Variants in PLPPR4 observed in about 807,000 individuals in gnomAD.
The protein encoded by PLPPR4 is phospholipid phosphatase-related protein type 4.
Under a neutral mutation model 56.6 loss-of-function variants are expected in PLPPR4, and 24 were observed. The ratio of observed to expected loss-of-function variants is 0.42; its 90% confidence interval spans 0.31 to 0.60. PLPPR4 has a LOEUF of 0.60. Among genes scored for constraint, PLPPR4 ranks in the 20% least tolerant of loss-of-function variants. The probability of loss-of-function intolerance (pLI) is 0.13; values close to 1 mark genes in which losing one functional copy is unlikely to be tolerated. For missense variants in PLPPR4, 654 were observed against 885.8 expected, an observed-to-expected ratio of 0.74 and a Z score of 3.32; for synonymous variants, 326 against 328.1, an observed-to-expected ratio of 0.99 and a Z score of 0.07.
At chr1:99,275,618 C>G (rs148595583) in intron 1 of PLPPR4, among the ~76,000 whole-genome samples, 112 of 152,206 alleles carry the variant, frequency 7.4e-4, no homozygotes, top group African/African-American at 2.6e-3. Flanking sequence ...TGGCCTTGGC[C>G]ACATTATTCT....
chr1:99,292,929 C>A (rs1236272995), intron 2 of PLPPR4, among the ~76,000 whole-genome samples: 3 of 152,180 alleles, frequency 2.0e-5, no homozygotes, highest in African/African-American at 2.4e-5. Flanking sequence ...CTTTCCCTCT[C>A]TCTTCCTGAA....
intron 3 of PLPPR4, 87 bp downstream of exon 3, chr1:99,296,954 G>A (rs753158230): frequency 1.3e-5 from 16 of 1,216,334 alleles, no homozygotes; most frequent in Non-Finnish European, 1.6e-5. Flanking sequence ...AGTCTCGTAC[G>A]CTATAATTTA....
At chr1:99,296,608 C>A in intron 2 of PLPPR4, 130 bp from the exon 3 acceptor site, 2 of 762,418 alleles carry the variant, frequency 2.6e-6, no homozygotes, top group Non-Finnish European at 3.8e-6. Context: ...GCCTCTACAG[C>A]TTTTAAGAAA....
chr1:99,290,786 A>G (rs574291744), intron 2 of PLPPR4, among the ~76,000 whole-genome samples: 5 of 152,144 alleles, frequency 3.3e-5, no homozygotes, highest in Non-Finnish European at 7.3e-5. Flanking sequence ...ATATACAAAA[A>G]TCAACTCAAG....
At chr1:99,289,625 A>C (rs1659564702) in intron 2 of PLPPR4, among the ~76,000 whole-genome samples, 2 of 152,180 alleles carry the variant, frequency 1.3e-5, no homozygotes, top group South Asian at 2.1e-4. Flanking sequence ...TATTTACTGA[A>C]GTTTTAACAA....
At chr1:99,273,713 A>G (rs1390707061) in intron 1 of PLPPR4, among the ~76,000 whole-genome samples, 1 of 152,140 alleles carries the variant, frequency 6.6e-6, no homozygotes, top group Non-Finnish European at 1.5e-5. Flanking sequence ...AGTAATAGAA[A>G]CAAAATGGAA....
At chr1:99,303,875 A>G (rs72980871) in intron 6 of PLPPR4, among the ~76,000 whole-genome samples, 2,656 of 152,306 alleles carry the variant, frequency 0.017, 82 homozygotes, top group African/African-American at 0.061. Context: ...GGCAATGTGC[A>G]TTGCAGAAGA....
chr1:99,265,373 T>C (rs1450521413), intron 1 of PLPPR4, among the ~76,000 whole-genome samples: 1 of 152,192 alleles, frequency 6.6e-6, no homozygotes, highest in Non-Finnish European at 1.5e-5. Flanking sequence ...CTGAGCAGTA[T>C]TATAGATAAA....
rs770936582 is a variant in PLPPR4 at position 99,309,396 on chromosome 1, A to C, written c.*2386A>C. 6.6e-6 allele frequency: 1 copy of C among 152,330 alleles called. No individual in the cohort carries two copies. The highest frequency in any genetic ancestry group is 1.5e-5 in the Non-Finnish European group (1 of 67,952). 9.4% of individuals were successfully genotyped at this position (152,330 alleles called of 1,614,324 possible). A position where few individuals can be genotyped will look rare whatever the true frequency, so the allele number is the denominator to read the frequency against. On this transcript the variant is annotated 3_prime_UTR_variant, in exon 7 of 7. Coordinates refer to ENST00000370185, the MANE Select transcript of PLPPR4 (RefSeq NM_014839.5). ...AGAGAGTTAATTATCTTTTTAAAGT[A>C]AATAAAATTATGAAAATATATATAG...
At chr1:99,281,044 T>G (rs180942563) in intron 1 of PLPPR4, among the ~76,000 whole-genome samples, 2 of 152,322 alleles carry the variant, frequency 1.3e-5, no homozygotes. Flanking sequence ...AGAGATTTTT[T>G]TAAAGGCCCT....
At chr1:99,287,279 T>C (rs1557778068) in intron 1 of PLPPR4, among the ~76,000 whole-genome samples, 3 of 152,182 alleles carry the variant, frequency 2.0e-5, no homozygotes, top group African/African-American at 7.2e-5. Context: ...ATTTTCTCTA[T>C]CCAGTCTATC....
chr1:99,305,607 A>T, intron 6 of PLPPR4, 78 bp from the exon 7 acceptor site: 1 of 1,371,424 alleles, frequency 7.3e-7, no homozygotes, highest in Non-Finnish European at 1.0e-6. Flanking sequence ...CTATGTATGT[A>T]CTTCAGTGGG....
At chr1:99,304,686 C>T (rs1659973340) in intron 6 of PLPPR4, among the ~76,000 whole-genome samples, 2 of 152,268 alleles carry the variant, frequency 1.3e-5, no homozygotes, top group Non-Finnish European at 2.9e-5. Flanking sequence ...ATTTTCAGTT[C>T]TAAGCCAATG....
At position 99,293,048 on chromosome 1, in the gene PLPPR4, A is replaced by C. The variant is rs74961359; in HGVS notation, c.265-3690A>C. 9.1e-3 allele frequency among the ~76,000 whole-genome samples: 1,388 copies of C among 152,206 alleles called. 23 individuals are homozygous for C. Among genetic ancestry groups the C allele is most frequent in the African/African-American group, 0.032 (1,331 of 41,534 alleles). On this transcript the variant is annotated intron_variant, in intron 2 of 6. Coordinates refer to ENST00000370185, the MANE Select transcript of PLPPR4 (RefSeq NM_014839.5). ...AATGGGGTCATGAGAGGGGGTAGGG[A>C]GGTAAGCAGAACTCTCCGTTTGGGA...
intron 1 of PLPPR4, 139 bp downstream of exon 1, chr1:99,264,810 TC>T (rs1658849551): frequency 1.2e-6 from 1 of 838,390 alleles, no homozygotes; most frequent in African/African-American, 1.7e-5. Context: ...CCTCCCCTCT[TC>T]CCCTAGATTT....
Position 99,306,875 on chromosome 1 carries a change from C to T in PLPPR4, c.2013C>T (p.Ser671=). 6.2e-7 allele frequency: 1 copy of T among 1,614,114 alleles called. No individual in the cohort carries two copies. Among genetic ancestry groups the T allele is most frequent in the Non-Finnish European group, 8.5e-7 (1 of 1,179,992 alleles). The change falls in exon 7 of 7, where the codon TCC becomes TCT. Residue 671 remains serine (S), a synonymous_variant. Transcript: ENST00000370185. The surrounding 1 kb of genome is among the most constrained non-coding windows in gnomAD (Gnocchi z 4.0). The stretch of plus-strand genomic sequence containing the variant: ...GCGAAATTGGCTCAGAGACGCTGTC[C>T]ATTTCTTCTTCCCGCGACTCCACCC... The part of the protein sequence containing the change: ...EGSEIGSETL[S]ISSSRDSTLR...
chr1:99,288,403 T>C (rs144051563), intron 2 of PLPPR4, among the ~76,000 whole-genome samples: 1 of 152,278 alleles, frequency 6.6e-6, no homozygotes, highest in African/African-American at 2.4e-5. Flanking sequence ...TATGAAAAGT[T>C]TTGTAACTTT....
intron 1 of PLPPR4, among the ~76,000 whole-genome samples, chr1:99,284,539 C>T (rs572513609): frequency 2.6e-5 from 4 of 151,712 alleles, no homozygotes; most frequent in African/African-American, 7.3e-5. Context: ...CGCCTCTCTC[C>T]CAAAGTGCTG....
At chr1:99,288,658 A>G (rs1659535773) in intron 2 of PLPPR4, among the ~76,000 whole-genome samples, 1 of 151,710 alleles carries the variant, frequency 6.6e-6, no homozygotes, top group Admixed American at 6.6e-5. Flanking sequence ...GCATGCACAC[A>G]TACACATACA....
Sources: gnomAD v4.1 joint callset for allele counts (sites outside exome capture counted in the v4.1 genomes callset) on GRCh38, gnomAD v4.1.1 for gene constraint, Gnocchi (gnomAD v3.1) non-coding constraint, MANE v1.5 for transcripts, NCBI Gene and HGNC (gene_info 2026-07-23, HGNC 2026-07-21) for gene names.